The following LARP1 variants were observed in gnomAD, a reference collection of about 807,000 sequenced individuals.
The protein encoded by LARP1 is la-related protein 1.
LARP1 carries 36 observed loss-of-function variants against 122.7 expected under a neutral mutation model. The observed-to-expected ratio is 0.29, with a 90% CI of 0.22 to 0.39. The LOEUF is 0.39. LARP1 is among the 10% of genes least tolerant of loss of function. LARP1 has a pLI of 1.00. For missense variants in LARP1, 1,040 were observed against 1,403.6 expected (o/e 0.74, Z 4.14); for synonymous variants, 539 against 528.7 (o/e 1.02, Z -0.27).
At chr5:154,690,874 C>T (rs1379523674) in intron 1 of LARP1, among the ~76,000 whole-genome samples, 1 of 152,250 alleles carries the variant, frequency 6.6e-6, no homozygotes, top group Non-Finnish European at 1.5e-5. Context: ...TAAAAAAAAC[C>T]CCGGATTCCC....
In LARP1 at chr5:154,793,631, T is replaced by C. The variant is rs1757510856; in HGVS notation, c.776T>C (p.Met259Thr). 3 of 1,614,002 alleles carry C rather than the reference T, an allele frequency of 1.9e-6. No homozygotes were observed. The highest frequency in any genetic ancestry group is 2.7e-5 in the African/African-American group (2 of 74,904). The change falls in exon 5 of 19, where the codon ATG becomes ACG. Residue 259 changes from methionine (M) to threonine (T), a missense_variant. Around this residue, in one of 8 missense-constraint regions of LARP1, gnomAD observed 178 missense variants for 178.3 expected, o/e 1.00. Transcript: ENST00000518297. ...AAGTGGGTTCCATTACAAATAGACA[T>C]GAAGCCTGAAGTGCCCAGAGAGAAA... ...KHKWVPLQIDMKPEVPREKLA... is the reference protein window; with the variant it reads ...KHKWVPLQIDTKPEVPREKLA...
At chr5:154,761,183 C>A (rs768434029) in intron 1 of LARP1, among the ~76,000 whole-genome samples, 4 of 152,202 alleles carry the variant, frequency 2.6e-5, no homozygotes, top group African/African-American at 7.2e-5. Flanking sequence ...TCATCGGGAG[C>A]CTTCAGCTGG....
upstream of LARP1, among the ~76,000 whole-genome samples, chr5:154,751,831 T>G (rs895642615): frequency 5.3e-5 from 8 of 152,330 alleles, no homozygotes; most frequent in African/African-American, 1.9e-4. Flanking sequence ...ATAGTATATA[T>G]AGAGTTTGGT....
upstream of LARP1, among the ~76,000 whole-genome samples, chr5:154,710,704 C>T (rs990184414): frequency 1.5e-5 from 2 of 136,088 alleles, no homozygotes; most frequent in Admixed American, 1.7e-4. Flanking sequence ...GATCGCGGCA[C>T]AGCACTCCAG....
At chr5:154,714,796 G>T (rs73276711) in intron 1 of LARP1, among the ~76,000 whole-genome samples, 1,591 of 152,316 alleles carry the variant, frequency 0.01, 28 homozygotes, top group African/African-American at 0.036. Flanking sequence ...CAGTTTCTAG[G>T]AATAGGGAAC....
rs1462842514 is a variant in LARP1, at chr5:154,814,897, A to G, written c.*801A>G. ...AAAAAGACAAAATCGACCATAAAAG[A>G]CCAAAAAAAAAAAAAAAATCAGAAA... On this transcript the variant is annotated 3_prime_UTR_variant, in exon 19 of 19. Transcript: ENST00000518297. 4 of 149,482 alleles carry G rather than the reference A, an allele frequency of 2.7e-5. 1 individual carries two copies. The South Asian group carries it at 6.3e-4, about 24-fold the overall frequency. 9.3% of individuals were successfully genotyped at this position (149,482 alleles called of 1,614,324 possible).
chr5:154,714,135 T>C (rs10476809), intron 1 of LARP1, among the ~76,000 whole-genome samples: 47 of 152,260 alleles, frequency 3.1e-4, no homozygotes, highest in African/African-American at 1.1e-3. Context: ...ATTGTTCTTA[T>C]GACCAAACAA....
chr5:154,764,012 C>T (rs1479390055), intron 1 of LARP1, among the ~76,000 whole-genome samples: 1 of 150,920 alleles, frequency 6.6e-6, no homozygotes, highest in African/African-American at 2.4e-5. Flanking sequence ...AGGACTGTCT[C>T]AAAAAGAAAA....
intron 1 of LARP1, among the ~76,000 whole-genome samples, chr5:154,694,293 G>A (rs1002395239): frequency 6.6e-6 from 1 of 152,088 alleles, no homozygotes; most frequent in Non-Finnish European, 1.5e-5. Flanking sequence ...GTCTCACTCT[G>A]TTGCCCAGGC....
At chr5:154,780,216 ATC>A (rs1345181217) in intron 1 of LARP1, among the ~76,000 whole-genome samples, 2 of 152,160 alleles carry the variant, frequency 1.3e-5, no homozygotes, top group African/African-American at 4.8e-5. Context: ...TGAGAAAAAG[ATC>A]TCCAGGGCCC....
intron 1 of LARP1, among the ~76,000 whole-genome samples, chr5:154,775,504 A>T (rs1172700662): frequency 6.6e-6 from 1 of 151,832 alleles, no homozygotes; most frequent in Non-Finnish European, 1.5e-5. Context: ...AAAAAAAAAA[A>T]AAAAAGGCGA....
chr5:154,781,539 G>A (rs1756443502), intron 1 of LARP1, among the ~76,000 whole-genome samples: 1 of 151,928 alleles, frequency 6.6e-6, no homozygotes, highest in Non-Finnish European at 1.5e-5. Flanking sequence ...CTTGCAGTGA[G>A]CCGAGATGGC....
chr5:154,725,698 C>A (rs1034823834), intron 1 of LARP1, among the ~76,000 whole-genome samples: 1 of 152,166 alleles, frequency 6.6e-6, no homozygotes, highest in African/African-American at 2.4e-5. Flanking sequence ...TATTTTCCTG[C>A]GCAAGGGATA....
At chr5:154,800,329 T>G (rs1490237659) in intron 10 of LARP1, among the ~76,000 whole-genome samples, 1 of 152,230 alleles carries the variant, frequency 6.6e-6, no homozygotes, top group Non-Finnish European at 1.5e-5. Flanking sequence ...GTTTCTGGCT[T>G]CTTGATTCTT....
At chr5:154,750,212 G>A (rs886611031) in intron 1 of LARP1, among the ~76,000 whole-genome samples, 10 of 152,162 alleles carry the variant, frequency 6.6e-5, no homozygotes, top group African/African-American at 2.2e-4. Flanking sequence ...TTTTTGAGAC[G>A]GGGTCTCACT....
chr5:154,803,921 TG>T lies in LARP1; in HGVS notation c.2439+179del, dbSNP rs1758546565. ...AGGTAGCCACATCTGCAAAATATAC[TG>T]GGTGTGGGAGTGGTAACCCCATGTT... On this transcript the variant is annotated intron_variant, in intron 13 of 18. Coordinates refer to ENST00000518297, the MANE Select transcript of LARP1 (RefSeq NM_033551.3). This position sits in a 1 kb window ranked among gnomAD's most constrained non-coding sequence, Gnocchi z 4.4. Among the ~76,000 whole-genome samples the T allele has an allele frequency of 6.6e-6, 1 of 152,186 alleles. No individual in the cohort carries two copies. The highest frequency in any genetic ancestry group is 6.5e-5 in the Admixed American group (1 of 15,280).
At chr5:154,799,014 C>T (rs35838764) in intron 8 of LARP1, among the ~76,000 whole-genome samples, 9,141 of 152,246 alleles carry the variant, frequency 0.06, 353 homozygotes, top group South Asian at 0.1. Context: ...TAGGCGTGTG[C>T]CACCACAACC....
intron 8 of LARP1, among the ~76,000 whole-genome samples, chr5:154,796,471 C>T (rs1030506537): frequency 5.3e-5 from 8 of 152,032 alleles, no homozygotes; most frequent in Admixed American, 4.6e-4. Flanking sequence ...GGATTTTCCA[C>T]AGGGCACAGG....
intron 1 of LARP1, among the ~76,000 whole-genome samples, chr5:154,743,900 G>A (rs557900074): frequency 1.8e-4 from 28 of 152,306 alleles, no homozygotes; most frequent in African/African-American, 6.7e-4. Context: ...GATTACAAGC[G>A]TGGGCCACCA....
Sources: allele counts gnomAD v4.1 joint callset (sites outside exome capture counted in the v4.1 genomes callset), GRCh38; gene constraint gnomAD v4.1.1; regional missense constraint gnomAD v4.1.1; non-coding constraint Gnocchi (gnomAD v3.1); transcripts MANE v1.5; gene names NCBI Gene and HGNC (gene_info 2026-07-23, HGNC 2026-07-21).